Variants in TET2 observed in about 807,000 individuals in gnomAD.
TET2 encodes the protein tet methylcytosine dioxygenase 2.
A neutral mutation model predicts 142.9 loss-of-function variants in TET2; 299 were observed. The observed-to-expected ratio is 2.09, with a 90% CI of 1.90 to 2.30. The LOEUF (loss-of-function observed/expected upper bound fraction) is 2.30, where lower values mean the gene tolerates loss of function less well. Among genes scored for constraint, TET2 ranks in the 30% most tolerant of loss-of-function variants. The pLI is 0.00. For missense variants in TET2, 2,418 were observed against 2,378.0 expected, an observed-to-expected ratio of 1.02 and a Z score of -0.35; for synonymous variants, 819 against 849.0, an observed-to-expected ratio of 0.96 and a Z score of 0.61.
In TET2 at chr4:105,236,131, C is replaced by G. The variant is rs761323551; in HGVS notation, c.2189C>G (p.Thr730Arg). The change falls in exon 3 of 11, where the codon ACA (threonine) becomes AGA (arginine). Residue 730 changes from threonine to arginine, a missense_variant. Physicochemically the swap from Thr to Arg is moderately conservative, Grantham distance 71. Transcript: ENST00000380013. Reference protein sequence around the residue: ...QHKPHKQAAQTQPSQSSHLPQ... With the variant: ...QHKPHKQAAQRQPSQSSHLPQ... ...AAGCCTCATAAACAGGCAGCACAAA[C>G]ACAACCATCCCAGAGTTCACATCTC... 6.8e-6 allele frequency: 11 copies of G among 1,614,008 alleles called. No individual in the cohort carries two copies. In the Middle Eastern group the frequency reaches 4.9e-4, roughly 72 times the overall value.
In TET2 at chr4:105,233,878, T is replaced by C. The variant is rs1728660478; in HGVS notation, c.-46-19T>C. 3 of 1,354,118 alleles carry C rather than the reference T, an allele frequency of 2.2e-6. No individual in the cohort carries two copies. 83.9% of individuals were successfully genotyped at this position (1,354,118 alleles called of 1,614,324 possible). On this transcript the variant is annotated intron_variant, in intron 2 of 10. Transcript: ENST00000380013. ...GATAGAAATAAACACATTTTAATTT[T>C]TGTTTCCATGCTCTTTAGAATTCAA...
intron 7 of TET2, among the ~76,000 whole-genome samples, chr4:105,261,142 A>G (rs1229159422): frequency 6.6e-6 from 1 of 152,002 alleles, no homozygotes; most frequent in African/African-American, 2.4e-5. Context: ...AAATATGATC[A>G]CCTACCATTT....
chr4:105,276,322 G>A lies in TET2; in HGVS notation c.5812G>A (p.Asp1938Asn). 1 of 1,551,650 alleles carries A rather than the reference G, an allele frequency of 6.4e-7. No homozygotes were observed. Among genetic ancestry groups the A allele is most frequent in the Non-Finnish European group, 8.7e-7 (1 of 1,146,986 alleles). The change falls in exon 11 of 11, where the codon GAC becomes AAC. Residue 1938 changes from aspartate to asparagine, a missense_variant. Asp to Asn is a conservative substitution (Grantham distance 23). Coordinates refer to ENST00000380013, the MANE Select transcript of TET2 (RefSeq NM_001127208.3). ...KEEECEKYGPDYVPQKSHGKK... is the reference protein window; with the variant it reads ...KEEECEKYGPNYVPQKSHGKK... ...GGAAGAGTGTGAAAAGTATGGCCCA[G>A]ACTATGTGCCTCAGAAATCCCATGG...
At chr4:105,255,352 C>T (rs1337373870) in intron 6 of TET2, among the ~76,000 whole-genome samples, 1 of 152,124 alleles carries the variant, frequency 6.6e-6, no homozygotes, top group Non-Finnish European at 1.5e-5. Flanking sequence ...ACACACTTTG[C>T]ACAATTTTTG....
chr4:105,258,974 A>G (rs1174574861), intron 6 of TET2, among the ~76,000 whole-genome samples: 1 of 152,216 alleles, frequency 6.6e-6, no homozygotes, highest in Non-Finnish European at 1.5e-5. Context: ...ATGAAAATGA[A>G]TAAAGTACAA....
chr4:105,250,735 C>T (rs1729832844), intron 6 of TET2, among the ~76,000 whole-genome samples: 1 of 152,084 alleles, frequency 6.6e-6, no homozygotes, highest in South Asian at 2.1e-4. Context: ...CTCTGCTGCC[C>T]AGTCCAGAGT....
chr4:105,260,305 G>A (rs947684099), intron 7 of TET2, among the ~76,000 whole-genome samples: 16 of 151,998 alleles, frequency 1.1e-4, no homozygotes, highest in African/African-American at 3.6e-4. Flanking sequence ...TGTAGAATAC[G>A]TATTTCTTAT....
At chr4:105,194,054 C>T (rs1404397272) in intron 2 of TET2, among the ~76,000 whole-genome samples, 2 of 152,060 alleles carry the variant, frequency 1.3e-5, no homozygotes, top group Non-Finnish European at 2.9e-5. Context: ...GACTTTATAG[C>T]CATGCCTCTA....
chr4:105,220,859 GTC>G (rs1413127040), intron 2 of TET2, among the ~76,000 whole-genome samples: 1 of 152,154 alleles, frequency 6.6e-6, no homozygotes, highest in Non-Finnish European at 1.5e-5. Context: ...CCACCCCACA[GTC>G]TCTTTCTGCT....
chr4:105,159,453 C>G (rs965560410), intron 1 of TET2, among the ~76,000 whole-genome samples: 4 of 151,962 alleles, frequency 2.6e-5, no homozygotes, highest in Non-Finnish European at 5.9e-5. Flanking sequence ...CGGGGTTTCT[C>G]CATGTTGGTC....
chr4:105,250,110 A>C (rs915164581), intron 6 of TET2, among the ~76,000 whole-genome samples: 1 of 152,154 alleles, frequency 6.6e-6, no homozygotes, highest in Non-Finnish European at 1.5e-5. Flanking sequence ...ATTCCTTTGC[A>C]AGTAGCTGTC....
chr4:105,185,953 G>A (rs1195238766), intron 1 of TET2, among the ~76,000 whole-genome samples: 13 of 152,172 alleles, frequency 8.5e-5, no homozygotes, highest in African/African-American at 2.9e-4. Flanking sequence ...ATGGCTGGGC[G>A]TGGTGGCTCA....
intron 3 of TET2, 136 bp from the exon 4 acceptor site, chr4:105,241,203 T>C (rs1397583817): frequency 7.5e-7 from 1 of 1,336,336 alleles, no homozygotes; most frequent in African/African-American, 1.5e-5. Context: ...ATCAATCTAC[T>C]CATTTTAAAG....
chr4:105,187,812 T>A (rs1203963514), intron 1 of TET2, among the ~76,000 whole-genome samples: 2 of 152,190 alleles, frequency 1.3e-5, no homozygotes, highest in African/African-American at 4.8e-5. Flanking sequence ...CTTCTACCAC[T>A]TCACACTCAC....
intron 6 of TET2, among the ~76,000 whole-genome samples, chr4:105,247,882 C>G (rs1414437423): frequency 6.6e-6 from 1 of 151,962 alleles, no homozygotes; most frequent in East Asian, 1.9e-4. Flanking sequence ...CCACCTCATC[C>G]TGCTGATTTT....
At position 105,259,665 on chromosome 4, in the gene TET2, T is replaced by A; in HGVS notation, c.3850T>A (p.Ser1284Thr). 6.4e-7 allele frequency: 1 copy of A among 1,551,162 alleles called. No individual in the cohort carries two copies. Among genetic ancestry groups the A allele is most frequent in the South Asian group, 1.2e-5 (1 of 84,014 alleles). ...GCTGGATCCAGAAACCTGTGGTGCCTCCTTCTCTTTTGGTTGTTCATGGAG... is the reference window on the plus strand; with the variant it reads ...GCTGGATCCAGAAACCTGTGGTGCCACCTTCTCTTTTGGTTGTTCATGGAG... ...QGLDPETCGA[S>T]FSFGCSWSMY... The change falls in exon 7 of 11, where the codon TCC becomes ACC. Residue 1284 changes from serine (S) to threonine (T), a missense_variant. Transcript: ENST00000380013.
At chr4:105,169,170 A>G (rs756293676) in intron 1 of TET2, among the ~76,000 whole-genome samples, 3 of 152,214 alleles carry the variant, frequency 2.0e-5, no homozygotes, top group African/African-American at 7.2e-5. Context: ...ACTGTTTTCC[A>G]TAGTGGCTGT....
At position 105,217,310 on chromosome 4, in the gene TET2, T is replaced by G. The variant is rs138595092; in HGVS notation, c.-46-16587T>G. Among the ~76,000 whole-genome samples, 1,087 of 152,136 alleles carry G rather than the reference T, an allele frequency of 7.1e-3. 11 individuals are homozygous for G. The highest frequency in any genetic ancestry group is 0.025 in the African/African-American group (1,027 of 41,558). ...ATAGTTTAGTTTTTACAAGTTAAAT[T>G]TGAAGCTAAAGCAAAACTTGCATAG... On this transcript the variant is annotated intron_variant, in intron 2 of 10. Coordinates refer to ENST00000380013, the MANE Select transcript of TET2 (RefSeq NM_001127208.3).
chr4:105,276,486 T>G lies in TET2; in HGVS notation c.5976T>G (p.Thr1992=). The change falls in exon 11 of 11, where the codon ACT becomes ACG. Residue 1992 remains threonine, a synonymous_variant. Coordinates refer to ENST00000380013, the MANE Select transcript of TET2 (RefSeq NM_001127208.3). ...TAACTACATCTCCATATGCCTTCAC[T>G]CGGGTCACAGGGCCTTACAACAGAT... ...STVTTSPYAF[T]RVTGPYNRYI 6.4e-7 allele frequency: 1 copy of G among 1,551,654 alleles called. No homozygotes were observed. Among genetic ancestry groups the G allele is most frequent in the Non-Finnish European group, 8.7e-7 (1 of 1,146,976 alleles).
Sources: allele counts gnomAD v4.1 joint callset (sites outside exome capture counted in the v4.1 genomes callset), GRCh38; gene constraint gnomAD v4.1.1; transcripts MANE v1.5; gene names NCBI Gene and HGNC (gene_info 2026-07-23, HGNC 2026-07-21).